The following ARHGAP28 variants were observed in gnomAD, a reference collection of about 807,000 sequenced individuals.
The protein encoded by ARHGAP28 is rho GTPase-activating protein 28.
A neutral mutation model predicts 90.7 loss-of-function variants in ARHGAP28; 56 were observed. The observed-to-expected ratio is 0.62, with a 90% confidence interval of 0.50 to 0.77. ARHGAP28 has a LOEUF of 0.77. Among genes scored for constraint, ARHGAP28 ranks in the 30% least tolerant of loss-of-function variants. The probability of loss-of-function intolerance (pLI) is 0.00; values close to 1 mark genes in which losing one functional copy is unlikely to be tolerated. For synonymous variants in ARHGAP28, 308 were observed against 323.3 expected, an observed-to-expected ratio of 0.95 and a Z score of 0.51; for missense variants, 869 against 900.9, an observed-to-expected ratio of 0.96 and a Z score of 0.45.
chr18:6,894,308 C>T (rs997117784), intron 14 of ARHGAP28, among the ~76,000 whole-genome samples: 18 of 152,222 alleles, frequency 1.2e-4, no homozygotes, highest in Non-Finnish European at 1.6e-4. Context: ...GTATCACCAA[C>T]GGCAGGGTGT....
chr18:6,784,028 A>G (rs994532267), intron 1 of ARHGAP28, among the ~76,000 whole-genome samples: 5 of 152,130 alleles, frequency 3.3e-5, no homozygotes, highest in African/African-American at 1.2e-4. Flanking sequence ...CACATTTTGC[A>G]AATAGCCAGG....
chr18:6,835,477 T>G (rs8084169), intron 2 of ARHGAP28, among the ~76,000 whole-genome samples: 2,747 of 152,270 alleles, frequency 0.018, 79 homozygotes, highest in African/African-American at 0.062. Context: ...AATATTTGCC[T>G]AGCTAAGAAA....
At chr18:6,839,991 T>C (rs976232366) in intron 3 of ARHGAP28, among the ~76,000 whole-genome samples, 1 of 152,198 alleles carries the variant, frequency 6.6e-6, no homozygotes, top group Non-Finnish European at 1.5e-5. Context: ...TCAGATGTTC[T>C]GCTGGGTTCT....
At chr18:6,775,513 TTTTG>T (rs143690643) in intron 1 of ARHGAP28, among the ~76,000 whole-genome samples, 6,126 of 152,158 alleles carry the variant, frequency 0.04, 403 homozygotes, top group African/African-American at 0.14. Flanking sequence ...GGTGAGAGTT[TTTTG>T]TTTGTTTGTT....
intron 8 of ARHGAP28, 35 bp from the exon 9 acceptor site, chr18:6,873,647 CTT>C (rs753816928): frequency 1.6e-5 from 20 of 1,220,360 alleles, no homozygotes; most frequent in Admixed American, 1.0e-4. Context: ...TTTTCTAATT[CTT>C]TTTTTTTTTC....
chr18:6,754,558 C>G (rs1478741563), intron 1 of ARHGAP28: 1 of 152,210 alleles, frequency 6.6e-6, no homozygotes, highest in Non-Finnish European at 1.5e-5. Flanking sequence ...TAGTGACCAA[C>G]TGTGCCCTCC....
intron 15 of ARHGAP28, among the ~76,000 whole-genome samples, chr18:6,895,712 A>G (rs530836285): frequency 1.5e-4 from 23 of 152,326 alleles, no homozygotes; most frequent in African/African-American, 5.5e-4. Flanking sequence ...TAAACCTCAT[A>G]TGTAATGGCC....
chr18:6,792,490 G>A (rs1028991168), intron 1 of ARHGAP28, among the ~76,000 whole-genome samples: 3 of 152,222 alleles, frequency 2.0e-5, no homozygotes, highest in African/African-American at 7.2e-5. Context: ...TCTTTCTTAT[G>A]CAGTACTGTC....
intron 1 of ARHGAP28, among the ~76,000 whole-genome samples, chr18:6,732,838 A>G (rs2055894175): frequency 6.6e-6 from 1 of 152,200 alleles, no homozygotes; most frequent in Non-Finnish European, 1.5e-5. Context: ...CAGAGGAAGC[A>G]CCAGATATAT....
intron 9 of ARHGAP28, 72 bp downstream of exon 9, chr18:6,873,847 A>G: frequency 1.6e-6 from 2 of 1,272,536 alleles, no homozygotes; most frequent in South Asian, 2.5e-5. Flanking sequence ...GTAAACCCAC[A>G]AATGAATTTT....
chr18:6,908,684 G>A (rs2057377575), intron 16 of ARHGAP28, among the ~76,000 whole-genome samples: 1 of 152,220 alleles, frequency 6.6e-6, no homozygotes, highest in Non-Finnish European at 1.5e-5. Flanking sequence ...AACCTGAAAT[G>A]GAGCAGGCAG....
At chr18:6,896,794 T>C (rs1240243647) in intron 16 of ARHGAP28, 168 bp downstream of exon 16, 6 of 720,644 alleles carry the variant, frequency 8.3e-6, no homozygotes, top group African/African-American at 1.8e-5. Context: ...TTAGTAGATA[T>C]ATGATTGCTA....
At chr18:6,800,913 C>G (rs780996864) in intron 1 of ARHGAP28, among the ~76,000 whole-genome samples, 4 of 152,124 alleles carry the variant, frequency 2.6e-5, no homozygotes, top group Non-Finnish European at 5.9e-5. Context: ...TTTATGTATT[C>G]TGGATACAAG....
At chr18:6,834,921 G>A (rs114193040) in intron 2 of ARHGAP28, among the ~76,000 whole-genome samples, 110 of 152,276 alleles carry the variant, frequency 7.2e-4, no homozygotes, top group African/African-American at 2.4e-3. Context: ...TGAGAAATAC[G>A]AGTTCAGGTT....
intron 5 of ARHGAP28, among the ~76,000 whole-genome samples, chr18:6,867,886 G>A (rs2057050090): frequency 6.6e-6 from 1 of 152,086 alleles, no homozygotes; most frequent in Non-Finnish European, 1.5e-5. Flanking sequence ...CTTAGCAAAG[G>A]TATAAGCAGC....
At chr18:6,897,701 A>C (rs902032102) in intron 16 of ARHGAP28, 25 of 152,174 alleles carry the variant, frequency 1.6e-4, no homozygotes, top group Non-Finnish European at 1.3e-4. Context: ...CACTTATATA[A>C]CATTTTTTAA....
chr18:6,854,952 C>G (rs1462505236), intron 4 of ARHGAP28, among the ~76,000 whole-genome samples: 2 of 152,216 alleles, frequency 1.3e-5, no homozygotes, highest in Admixed American at 6.5e-5. Context: ...TGTGCACATG[C>G]TCAGGGTGGT....
At chr18:6,841,175 T>TCTCTC (rs1429600403) in intron 3 of ARHGAP28, among the ~76,000 whole-genome samples, 1 of 83,384 alleles carries the variant, frequency 1.2e-5, no homozygotes, top group Non-Finnish European at 2.3e-5. Flanking sequence ...CTCCTCTCTC[T>TCTCTC]CTCTCCTCTC....
intron 2 of ARHGAP28, among the ~76,000 whole-genome samples, chr18:6,830,238 A>G (rs1303586058): frequency 6.6e-6 from 1 of 152,100 alleles, no homozygotes; most frequent in Non-Finnish European, 1.5e-5. Context: ...ATTATTGTTA[A>G]CTATAGTCAC....
Sources: gnomAD v4.1 joint callset for allele counts (sites outside exome capture counted in the v4.1 genomes callset) on GRCh38, gnomAD v4.1.1 for gene constraint, MANE v1.5 for transcripts, NCBI Gene and HGNC (gene_info 2026-07-23, HGNC 2026-07-21) for gene names.